The following APLP1 variants were observed in gnomAD, a reference collection of about 807,000 sequenced individuals.
The protein encoded by APLP1 is amyloid beta precursor like protein 1.
APLP1 carries 46 observed loss-of-function variants against 84.5 expected under a neutral mutation model. The observed-to-expected ratio is 0.54, with a 90% CI of 0.43 to 0.70. The LOEUF (loss-of-function observed/expected upper bound fraction) is 0.70, where lower values mean the gene tolerates loss of function less well. APLP1 is among the 30% of genes least tolerant of loss of function. The pLI is 0.00. For missense variants in APLP1, 826 were observed against 900.2 expected, an observed-to-expected ratio of 0.92 and a Z score of 1.05; for synonymous variants, 376 against 364.0, an observed-to-expected ratio of 1.03 and a Z score of -0.38.
chr19:35,871,107 C>T, intron 3 of APLP1, 79 bp downstream of exon 3: 8 of 1,506,042 alleles, frequency 5.3e-6, no homozygotes, highest in South Asian at 1.3e-5. Flanking sequence ...CTCAGGCCTA[C>T]ATTAAGGGGC....
Position 35,874,630 on chromosome 19 carries a change from T to A in APLP1, c.1183T>A (p.Phe395Ile). 1.9e-6 allele frequency: 3 copies of A among 1,613,778 alleles called. No individual in the cohort carries two copies. The highest frequency in any genetic ancestry group is 2.5e-6 in the Non-Finnish European group (3 of 1,180,010). Residue 395 changes from phenylalanine to isoleucine, a missense_variant, in exon 9 of 17, where the codon TTC becomes ATC. By Grantham distance (21) the Phe-to-Ile change is conservative. Coordinates refer to ENST00000221891, the MANE Select transcript of APLP1 (RefSeq NM_001024807.3). This position sits in a 1 kb window ranked among gnomAD's most constrained non-coding sequence, Gnocchi z 6.4. ...NDQRRAALEG[F>I]LAALQADPPQ... is the part of the protein sequence containing the mutation. Reference sequence around the variant, plus strand: ...CCAGCGCCGGGCTGCCTTGGAGGGCTTCCTGGCAGCCCTGCAGGCAGATCC... The same window carrying A: ...CCAGCGCCGGGCTGCCTTGGAGGGCATCCTGGCAGCCCTGCAGGCAGATCC...
Position 35,871,717 on chromosome 19 carries a change from A to T in APLP1, c.643A>T (p.Thr215Ser), listed in dbSNP as rs145389825. 2.8e-3 allele frequency: 4,471 copies of T among 1,613,582 alleles called. 10 individuals are homozygous for T. Among genetic ancestry groups the T allele is most frequent in the South Asian group, 4.8e-3 (433 of 91,046 alleles). ...VEYVCCPPPG[T>S]PDPSGTAVGD... Reference sequence around the variant, plus strand: ...GTATGTGTGCTGTCCCCCTCCAGGGACCCCCGACCCATCTGGGACAGCAGT... The same window carrying T: ...GTATGTGTGCTGTCCCCCTCCAGGGTCCCCCGACCCATCTGGGACAGCAGT... The change falls in exon 5 of 17, where the codon ACC becomes TCC. Residue 215 changes from threonine (T) to serine (S), a missense_variant. Around this residue, in one of 3 missense-constraint regions of APLP1, gnomAD observed 383 missense variants for 378.3 expected, o/e 1.01. Coordinates refer to ENST00000221891, the MANE Select transcript of APLP1 (RefSeq NM_001024807.3).
chr19:35,869,720 G>C lies in APLP1; in HGVS notation c.201G>C (p.Arg67=), dbSNP rs759202625. Residue 67 remains arginine, a synonymous_variant, in exon 2 of 17, where the codon CGG becomes CGC. Transcript: ENST00000221891. Reference sequence around the variant, plus strand: ...TATGCGGGCGCCTAACCCTTCACCGGGACCTGCGCACCGGCCGCTGGGAAC... The same window carrying C: ...TATGCGGGCGCCTAACCCTTCACCGCGACCTGCGCACCGGCCGCTGGGAAC... ...AGLCGRLTLH[R]DLRTGRWEPD... 2 of 1,611,682 alleles carry C rather than the reference G, an allele frequency of 1.2e-6. No individual in the cohort carries two copies. Among genetic ancestry groups the C allele is most frequent in the African/African-American group, 2.7e-5 (2 of 74,890 alleles).
chr19:35,872,072 C>T (rs973398345), intron 6 of APLP1, 36 bp downstream of exon 6: 3 of 1,593,330 alleles, frequency 1.9e-6, no homozygotes, highest in Non-Finnish European at 1.7e-6. Context: ...GCCTCTCCAC[C>T]ATAGAGGGAG....
Position 35,879,622 on chromosome 19 carries a change from C to A in APLP1, c.*181C>A. 1 of 594,486 alleles carries A rather than the reference C, an allele frequency of 1.7e-6. No individual in the cohort carries two copies. The highest frequency in any genetic ancestry group is 4.5e-4 in the Middle Eastern group (1 of 2,210). 36.8% of individuals were successfully genotyped at this position (594,486 alleles called of 1,614,324 possible). A position where few individuals can be genotyped will look rare whatever the true frequency, so the allele number is the denominator to read the frequency against. ...TCCAAAATTCCATCCCTAAGAATTCCCAGATAGTCCCAGCAGCCTCCCCAC... is the reference window on the plus strand; with the variant it reads ...TCCAAAATTCCATCCCTAAGAATTCACAGATAGTCCCAGCAGCCTCCCCAC... On this transcript the variant is annotated 3_prime_UTR_variant, in exon 17 of 17. Coordinates refer to ENST00000221891, the MANE Select transcript of APLP1 (RefSeq NM_001024807.3).
rs1599584881 is a variant in APLP1 at position 35,879,228 on chromosome 19, T to C, written c.1857+11T>C. 1 of 1,611,396 alleles carries C rather than the reference T, an allele frequency of 6.2e-7. No homozygotes were observed. The highest frequency in any genetic ancestry group is 8.5e-7 in the Non-Finnish European group (1 of 1,178,886). On this transcript the variant is annotated intron_variant, in intron 16 of 16. Transcript: ENST00000221891. ...CATGGCGTGGTGGAGGTGAGAACCA[T>C]GGCGTGGTGGAGGTGTGGGAAGAGT...
intron 14 of APLP1, 28 bp downstream of exon 14, chr19:35,878,682 T>A: frequency 3.7e-6 from 6 of 1,613,172 alleles, no homozygotes; most frequent in Non-Finnish European, 4.2e-6. Flanking sequence ...GTGGGCTCCC[T>A]AAGGGGAACA....
chr19:35,874,010 C>T lies in APLP1; in HGVS notation c.1056+297C>T, dbSNP rs1456545268. Among the ~76,000 whole-genome samples, 1 of 152,200 alleles carries T rather than the reference C, an allele frequency of 6.6e-6. No homozygotes were observed. Among genetic ancestry groups the T allele is most frequent in the Non-Finnish European group, 1.5e-5 (1 of 68,038 alleles). On this transcript the variant is annotated intron_variant, in intron 8 of 16. Transcript: ENST00000221891. This position sits in a 1 kb window ranked among gnomAD's most constrained non-coding sequence, Gnocchi z 6.4. ...CCTCTGCAGATGCAGCCAGGGCCTTCTTGGTCTCTCTTTGATGCATTTATG... is the reference window on the plus strand; with the variant it reads ...CCTCTGCAGATGCAGCCAGGGCCTTTTTGGTCTCTCTTTGATGCATTTATG...
rs978515358 is a variant in APLP1, at chr19:35,874,279, A to G, written c.1057-225A>G. Among the ~76,000 whole-genome samples the G allele has an allele frequency of 6.6e-6, 1 of 151,960 alleles. No individual in the cohort carries two copies. The highest frequency in any genetic ancestry group is 1.5e-5 in the Non-Finnish European group (1 of 67,980). On this transcript the variant is annotated intron_variant, in intron 8 of 16. Coordinates refer to ENST00000221891, the MANE Select transcript of APLP1 (RefSeq NM_001024807.3). The surrounding 1 kb of genome is among the most constrained non-coding windows in gnomAD (Gnocchi z 6.4). ...TCTGCTCCCAGATTGCTCCCACTCA[A>G]TCTTACAGTTTACATCCTCACATTG...
At position 35,879,519 on chromosome 19, in the gene APLP1, G is replaced by C. The variant is rs1974371203; in HGVS notation, c.*78G>C. ...CCCCAGAACCCCAACTCCCAGCCTA[G>C]GGCAGCAGGGAGTCTTGAAGTGATC... is the stretch of plus-strand genomic sequence containing the variant. On this transcript the variant is annotated 3_prime_UTR_variant, in exon 17 of 17. Transcript: ENST00000221891. The C allele has an allele frequency of 8.0e-7, 1 of 1,253,230 alleles. No individual in the cohort carries two copies. Among genetic ancestry groups the C allele is most frequent in the African/African-American group, 1.5e-5 (1 of 67,818 alleles). The allele number at this position is 1,253,230 out of a possible 1,614,324, so 77.6% of individuals were successfully genotyped here.
Position 35,872,580 on chromosome 19 carries a change from C to G in APLP1, c.948C>G (p.Asp316Glu). The G allele has an allele frequency of 6.2e-7, 1 of 1,613,784 alleles. No individual in the cohort carries two copies. The highest frequency in any genetic ancestry group is 8.5e-7 in the Non-Finnish European group (1 of 1,179,836). The change falls in exon 7 of 17, where the codon GAC becomes GAG. Residue 316 changes from aspartate to glutamate, a missense_variant. Around this residue, in one of 3 missense-constraint regions of APLP1, gnomAD observed 433 missense variants for 496.5 expected, o/e 0.87. Coordinates refer to ENST00000221891, the MANE Select transcript of APLP1 (RefSeq NM_001024807.3). ...EHEGFLRAKM[D>E]LEERRMRQIN... ...AGGGGTTCCTGAGGGCCAAGATGGACCTGGAGGAGCGTAGGATGCGCCAGA... is the reference window on the plus strand; with the variant it reads ...AGGGGTTCCTGAGGGCCAAGATGGAGCTGGAGGAGCGTAGGATGCGCCAGA...
intron 4 of APLP1, 79 bp downstream of exon 4, chr19:35,871,428 G>T: frequency 7.4e-7 from 1 of 1,351,038 alleles, no homozygotes; most frequent in African/African-American, 1.5e-5. Context: ...CACCAGAACC[G>T]AGGAGTCTGG....
chr19:35,868,620 G>A lies in APLP1; in HGVS notation c.-17G>A. ...CGGGCGGGAGTGCAGGGGACGTGAG[G>A]GCGCAAGGGCCGGGACATGGGGCCC... On this transcript the variant is annotated 5_prime_UTR_variant, in exon 1 of 17. Coordinates refer to ENST00000221891, the MANE Select transcript of APLP1 (RefSeq NM_001024807.3). The surrounding 1 kb of genome is among the most constrained non-coding windows in gnomAD (Gnocchi z 5.2). 1 of 1,310,406 alleles carries A rather than the reference G, an allele frequency of 7.6e-7. No individual in the cohort carries two copies. The highest frequency in any genetic ancestry group is 9.7e-7 in the Non-Finnish European group (1 of 1,032,416). The allele number at this position is 1,310,406 out of a possible 1,614,324, so 81.2% of individuals were successfully genotyped here.
Position 35,874,376 on chromosome 19 carries a change from T to A in APLP1, c.1057-128T>A. On this transcript the variant is annotated intron_variant, in intron 8 of 16. Coordinates refer to ENST00000221891, the MANE Select transcript of APLP1 (RefSeq NM_001024807.3). The surrounding 1 kb of genome is among the most constrained non-coding windows in gnomAD (Gnocchi z 6.4). Reference sequence around the variant, plus strand: ...CCCACCCCTTCCAGTCCATAACCTTTGGTTCTGCCCAGGCCTGGACCCCTG... The same window carrying A: ...CCCACCCCTTCCAGTCCATAACCTTAGGTTCTGCCCAGGCCTGGACCCCTG... 9 of 1,161,628 alleles carry A rather than the reference T, an allele frequency of 7.7e-6. No homozygotes were observed. Among genetic ancestry groups the A allele is most frequent in the Non-Finnish European group, 9.9e-6 (8 of 809,514 alleles). 72.0% of individuals were successfully genotyped at this position (1,161,628 alleles called of 1,614,324 possible). A position where few individuals can be genotyped will look rare whatever the true frequency, so the allele number is the denominator to read the frequency against.
chr19:35,869,176 C>T (rs551620067), intron 1 of APLP1: 1 of 349,090 alleles, frequency 2.9e-6, no homozygotes, highest in Non-Finnish European at 5.2e-6. Context: ...CTCCCAGGAC[C>T]CAGGAGTCCA....
chr19:35,872,766 C>G (rs934259790), intron 7 of APLP1, among the ~76,000 whole-genome samples, 153 bp downstream of exon 7: 1 of 152,130 alleles, frequency 6.6e-6, no homozygotes, highest in Non-Finnish European at 1.5e-5. Flanking sequence ...GGCCAGAGAT[C>G]CATGGCCCTT....
In APLP1 at chr19:35,868,806, G is replaced by T; in HGVS notation, c.147+23G>T. On this transcript the variant is annotated intron_variant, in intron 1 of 16. Coordinates refer to ENST00000221891, the MANE Select transcript of APLP1 (RefSeq NM_001024807.3). The surrounding 1 kb of genome is among the most constrained non-coding windows in gnomAD (Gnocchi z 5.2). ...GAGGTGAGGCCGGGCCGGGTCCTGG[G>T]GGATGGGGGAAGGGGCGGGACCGGG... is the stretch of plus-strand genomic sequence containing the variant. 4 of 1,280,112 alleles carry T rather than the reference G, an allele frequency of 3.1e-6. No homozygotes were observed. The highest frequency in any genetic ancestry group is 3.9e-6 in the Non-Finnish European group (4 of 1,013,456). The allele number at this position is 1,280,112 out of a possible 1,614,324, so 79.3% of individuals were successfully genotyped here.
Position 35,872,655 on chromosome 19 carries a change from C to T in APLP1, c.981+42C>T, listed in dbSNP as rs774157368. The T allele has an allele frequency of 2.5e-6, 4 of 1,579,200 alleles. No individual in the cohort carries two copies. In the Admixed American group the frequency reaches 7.5e-5, roughly 30 times the overall value. On this transcript the variant is annotated intron_variant, in intron 7 of 16. Transcript: ENST00000221891. ...CCCCAGGACCCCCTACAGTACAGAGCTCCCTAAATACCAGGAAATTCCTCC... is the reference window on the plus strand; with the variant it reads ...CCCCAGGACCCCCTACAGTACAGAGTTCCCTAAATACCAGGAAATTCCTCC...
Position 35,871,822 on chromosome 19 carries a change from G to A in APLP1, c.672-36G>A, listed in dbSNP as rs2267590. The A allele has an allele frequency of 7.2e-3, 11,610 of 1,612,962 alleles. 445 individuals carry two copies. In the African/African-American group the frequency reaches 0.099, roughly 14 times the overall value. On this transcript the variant is annotated intron_variant, in intron 5 of 16. Coordinates refer to ENST00000221891, the MANE Select transcript of APLP1 (RefSeq NM_001024807.3). ...ATGGAAGCCTGGGAGCCCAGGCCTG[G>A]GTTCTTACTGCCTGGGTCCTCTCCT... is the stretch of plus-strand genomic sequence containing the variant.
Sources: allele counts gnomAD v4.1 joint callset (sites outside exome capture counted in the v4.1 genomes callset), GRCh38; gene constraint gnomAD v4.1.1; regional missense constraint gnomAD v4.1.1; non-coding constraint Gnocchi (gnomAD v3.1); transcripts MANE v1.5; gene names NCBI Gene and HGNC (gene_info 2026-07-23, HGNC 2026-07-21).